RBFOX1: variants seen among roughly 807,000 people sequenced by gnomAD.
RBFOX1 encodes the protein RNA binding fox-1 homolog 1.
In RBFOX1, 8 loss-of-function variants were observed where a neutral mutation model predicts 57.7. That is an observed-to-expected ratio of 0.14 (90% CI 0.08 to 0.25). RBFOX1 has a LOEUF of 0.25. Ranked by LOEUF, RBFOX1 falls within the 10% of genes least tolerant of loss-of-function variation. The probability of loss-of-function intolerance (pLI) is 1.00; values close to 1 mark genes in which losing one functional copy is unlikely to be tolerated. For missense variants in RBFOX1, 611 were observed against 548.5 expected, an observed-to-expected ratio of 1.11 and a Z score of -1.14; for synonymous variants, 326 against 222.4, an observed-to-expected ratio of 1.47 and a Z score of -4.15.
chr16:6,942,155 C>T (rs776069111), intron 3 of RBFOX1, among the ~76,000 whole-genome samples: 1 of 152,124 alleles, frequency 6.6e-6, no homozygotes, highest in Non-Finnish European at 1.5e-5. Flanking sequence ...AGGAGAATTG[C>T]TTGAACTTGG....
chr16:6,504,678 C>T (rs2096041430), intron 2 of RBFOX1, among the ~76,000 whole-genome samples: 1 of 152,156 alleles, frequency 6.6e-6, no homozygotes, highest in Non-Finnish European at 1.5e-5. Context: ...CCAAAAGCTC[C>T]TTGTACATGC....
At chr16:7,432,754 C>A (rs1052741857) in intron 4 of RBFOX1, among the ~76,000 whole-genome samples, 1 of 152,194 alleles carries the variant, frequency 6.6e-6, no homozygotes, top group Non-Finnish European at 1.5e-5. Flanking sequence ...CAGCTGATGG[C>A]CTTTTCTGTG....
intron 4 of RBFOX1, among the ~76,000 whole-genome samples, chr16:7,437,667 C>T (rs2098733783): frequency 6.6e-6 from 1 of 152,148 alleles, no homozygotes; most frequent in South Asian, 2.1e-4. Context: ...ACGATTAAGG[C>T]CGGAGTAGGC....
intron 2 of RBFOX1, among the ~76,000 whole-genome samples, chr16:6,333,914 C>T (rs2083330111): frequency 6.6e-6 from 1 of 152,154 alleles, no homozygotes; most frequent in Non-Finnish European, 1.5e-5. Context: ...TATGCTAACT[C>T]ATAGAAGGGC....
intron 1 of RBFOX1, among the ~76,000 whole-genome samples, chr16:5,374,028 C>T (rs2065924710): frequency 6.6e-6 from 1 of 152,246 alleles, no homozygotes; most frequent in South Asian, 2.1e-4. Context: ...AGCGATTCTC[C>T]TGCCTCACCC....
intron 3 of RBFOX1, among the ~76,000 whole-genome samples, chr16:7,034,832 T>A: frequency 8.8e-6 from 1 of 113,554 alleles, no homozygotes; most frequent in Non-Finnish European, 1.8e-5. Context: ...CATTACTTTT[T>A]TTTTTTTTCT....
intron 3 of RBFOX1, among the ~76,000 whole-genome samples, chr16:6,909,071 A>T (rs534851729): frequency 6.6e-6 from 1 of 152,340 alleles, no homozygotes; most frequent in East Asian, 1.9e-4. Flanking sequence ...GGTGTAATTT[A>T]AAACAACACA....
At position 7,175,329 on chromosome 16, in the gene RBFOX1, C is replaced by G. The variant is rs984438127; in HGVS notation, c.27+123231C>G. Among the ~76,000 whole-genome samples, 9 of 152,098 alleles carry G rather than the reference C, an allele frequency of 5.9e-5. No homozygotes were observed. In the East Asian group the frequency reaches 1.7e-3, roughly 29 times the overall value. On this transcript the variant is annotated intron_variant, in intron 4 of 15. Coordinates refer to ENST00000550418, the MANE Select transcript of RBFOX1 (RefSeq NM_018723.4). ...CTTTCAATGAAATAACCTTCTTCGC[C>G]TGTGAAATGGGTCTCAGTGAATCTT...
At chr16:7,441,607 C>T (rs993059344) in intron 4 of RBFOX1, among the ~76,000 whole-genome samples, 35 of 152,086 alleles carry the variant, frequency 2.3e-4, no homozygotes, top group Non-Finnish European at 4.1e-4. Context: ...TTGCTTTTTT[C>T]CCCCCTGTTA....
Position 7,096,659 on chromosome 16 carries a change from G to T in RBFOX1, c.27+44561G>T, listed in dbSNP as rs59468778. On this transcript the variant is annotated intron_variant, in intron 4 of 15. Transcript: ENST00000550418. ...AGTAAAACGGGGACTGAGTTGAGCA[G>T]GTTGGCTCATGCCTGTAATCCCAGC... Among the ~76,000 whole-genome samples the T allele has an allele frequency of 9.5e-3, 1,444 of 152,026 alleles. 27 individuals carry two copies. Among genetic ancestry groups the T allele is most frequent in the African/African-American group, 0.034 (1,398 of 41,478 alleles).
At chr16:6,967,653 G>C (rs749285818) in intron 3 of RBFOX1, among the ~76,000 whole-genome samples, 3 of 152,054 alleles carry the variant, frequency 2.0e-5, no homozygotes, top group Non-Finnish European at 4.4e-5. Flanking sequence ...TGTGTGTTCA[G>C]TAATTATATT....
Position 6,948,375 on chromosome 16 carries a change from C to CTTTTTTTTTTTTTTT in RBFOX1, c.-15-103667_-15-103653dup, listed in dbSNP as rs968186299. On this transcript the variant is annotated intron_variant, in intron 3 of 15. Transcript: ENST00000550418. ...TACATGTCCTTTTCTTTCTCCCTTT[C>CTTTTTTTTTTTTTTT]TTTTTTTTTTTTTTTTTTTTTTTTT... Among the ~76,000 whole-genome samples the CTTTTTTTTTTTTTTT allele has an allele frequency of 3.5e-4, 24 of 67,968 alleles. 1 individual carries two copies. Among genetic ancestry groups the CTTTTTTTTTTTTTTT allele is most frequent in the Non-Finnish European group, 5.4e-4 (19 of 35,426 alleles). The allele number at this position is 67,968 out of a possible 152,430, so 44.6% of individuals were successfully genotyped here.
chr16:7,257,153 C>G (rs1445031671), intron 4 of RBFOX1, among the ~76,000 whole-genome samples: 1 of 152,192 alleles, frequency 6.6e-6, no homozygotes, highest in African/African-American at 2.4e-5. Context: ...AAAACCCTTT[C>G]CGGTCCAACT....
chr16:7,077,760 T>G (rs183023851), intron 4 of RBFOX1, among the ~76,000 whole-genome samples: 103 of 152,338 alleles, frequency 6.8e-4, no homozygotes, highest in Middle Eastern at 3.4e-3. Context: ...ACTTGTCCTG[T>G]TAGCAGCTTT....
At chr16:6,615,287 A>G (rs1014585048) in intron 2 of RBFOX1, among the ~76,000 whole-genome samples, 4 of 152,222 alleles carry the variant, frequency 2.6e-5, no homozygotes, top group Admixed American at 1.3e-4. Flanking sequence ...TCCAAAATAC[A>G]TTCGTATTTA....
intron 4 of RBFOX1, among the ~76,000 whole-genome samples, chr16:7,168,857 T>G (rs143758549): frequency 3.9e-5 from 6 of 152,216 alleles, no homozygotes; most frequent in African/African-American, 1.4e-4. Context: ...TGAACAAATA[T>G]ACTTTCAAAT....
intron 3 of RBFOX1, among the ~76,000 whole-genome samples, chr16:5,681,518 A>T (rs1349724131): frequency 6.6e-6 from 1 of 150,628 alleles, no homozygotes; most frequent in Non-Finnish European, 1.5e-5. Flanking sequence ...CCTCTGGAGT[A>T]GCTGGGATTA....
chr16:7,671,457 A>T lies in RBFOX1; in HGVS notation c.931-5317A>T, dbSNP rs1036664568. 9 of 1,176,668 alleles carry T rather than the reference A, an allele frequency of 7.6e-6. No homozygotes were observed. The African/African-American group carries it at 9.1e-5, about 12-fold the overall frequency. 72.9% of individuals were successfully genotyped at this position (1,176,668 alleles called of 1,614,324 possible). On this transcript the variant is annotated intron_variant, in intron 13 of 15. Transcript: ENST00000550418. ...GGCTTGGTGAAGTAAGAGAGAAGCA[A>T]ACTTGTAAATGAATTGCTCTGGAAT...
At chr16:6,969,681 T>C (rs574474755) in intron 3 of RBFOX1, among the ~76,000 whole-genome samples, 3 of 151,634 alleles carry the variant, frequency 2.0e-5, no homozygotes, top group Non-Finnish European at 4.4e-5. Context: ...GAGGCGGAGG[T>C]TGCAGTGAGC....
Sources: gnomAD v4.1 joint callset for allele counts (sites outside exome capture counted in the v4.1 genomes callset) on GRCh38, gnomAD v4.1.1 for gene constraint, MANE v1.5 for transcripts, NCBI Gene and HGNC (gene_info 2026-07-23, HGNC 2026-07-21) for gene names.